Variants in RRM2 observed in about 807,000 individuals in gnomAD.
The protein encoded by RRM2 is ribonucleotide reductase regulatory subunit M2.
RRM2 carries 6 observed loss-of-function variants against 45.9 expected under a neutral mutation model. That is an observed-to-expected ratio of 0.13 (90% CI 0.07 to 0.26). The LOEUF (loss-of-function observed/expected upper bound fraction) is 0.26, where lower values mean the gene tolerates loss of function less well. RRM2 is among the 10% of genes least tolerant of loss of function. The pLI is 1.00. For synonymous variants in RRM2, 177 were observed against 173.0 expected (o/e 1.02, Z -0.18); for missense variants, 343 against 489.5 (o/e 0.70, Z 2.82).
In RRM2 at chr2:10,129,088, C is replaced by T. The variant is rs1399413963; in HGVS notation, c.951C>T (p.Cys317=). The part of the protein sequence containing the change: ...ALPVKLIGMN[C]TLMKQYIEFV... Reference sequence around the variant, plus strand: ...CTGTGAAGCTCATTGGGATGAATTGCACTCTAATGAAGCAATACATTGAGT... The same window carrying T: ...CTGTGAAGCTCATTGGGATGAATTGTACTCTAATGAAGCAATACATTGAGT... The change falls in exon 9 of 10, where the codon TGC becomes TGT. Residue 317 remains cysteine (C), a synonymous_variant. Coordinates refer to ENST00000304567, the MANE Select transcript of RRM2 (RefSeq NM_001034.4). The surrounding 1 kb of genome is among the most constrained non-coding windows in gnomAD (Gnocchi z 4.8). The T allele has an allele frequency of 1.1e-5, 17 of 1,614,200 alleles. No homozygotes were observed. The highest frequency in any genetic ancestry group is 8.3e-5 in the Admixed American group (5 of 60,028).
chr2:10,189,411 G>A (rs1199990985), intron 3 of RRM2, among the ~76,000 whole-genome samples: 1 of 152,240 alleles, frequency 6.6e-6, no homozygotes, highest in Non-Finnish European at 1.5e-5. Context: ...CCAAAGTGAC[G>A]AGGCCACACA....
At chr2:10,158,370 G>A (rs1282753780) in intron 3 of RRM2, among the ~76,000 whole-genome samples, 1 of 152,096 alleles carries the variant, frequency 6.6e-6, no homozygotes, top group Admixed American at 6.6e-5. Context: ...GCCTGGCCAG[G>A]ATTTGAACCT....
In RRM2 at chr2:10,185,684, A is replaced by AT. The variant is rs1664149989; in HGVS notation, n.483-24621dup. ...GGATGAGAAATTCTTACAAATGTATATTTTTTGTGCCCCTGTGTCTCCCCT... is the reference window on the plus strand; with the variant it reads ...GGATGAGAAATTCTTACAAATGTATATTTTTTTGTGCCCCTGTGTCTCCCCT... On this transcript the variant is annotated intron_variant and non_coding_transcript_variant, in intron 3 of 3. Coordinates refer to the RRM2 transcript ENST00000381786. The surrounding 1 kb of genome is among the most constrained non-coding windows in gnomAD (Gnocchi z 4.3). Among the ~76,000 whole-genome samples, 1 of 152,166 alleles carries AT rather than the reference A, an allele frequency of 6.6e-6. No individual in the cohort carries two copies. The highest frequency in any genetic ancestry group is 1.5e-5 in the Non-Finnish European group (1 of 68,030).
chr2:10,123,632 C>T (rs1422996459), intron 3 of RRM2, 102 bp downstream of exon 3: 1 of 1,466,184 alleles, frequency 6.8e-7, no homozygotes, highest in East Asian at 2.3e-5. Context: ...AACTGTGGGG[C>T]ATAGTAAGTG....
chr2:10,133,895 TGGGCC>T (rs1662945350), downstream of RRM2, among the ~76,000 whole-genome samples: 1 of 151,860 alleles, frequency 6.6e-6, no homozygotes, highest in Non-Finnish European at 1.5e-5. Context: ...GTTAAATAGG[TGGGCC>T]GGGCATGGTG....
chr2:10,161,719 C>T (rs1254666214), intron 3 of RRM2, among the ~76,000 whole-genome samples: 2 of 152,026 alleles, frequency 1.3e-5, no homozygotes, highest in Non-Finnish European at 2.9e-5. Context: ...TGCTTTAACT[C>T]GAGGGAAATG....
At chr2:10,179,154 TTTTG>T (rs999974049) in intron 3 of RRM2, among the ~76,000 whole-genome samples, 2 of 152,162 alleles carry the variant, frequency 1.3e-5, no homozygotes, top group African/African-American at 4.8e-5. Flanking sequence ...TTCATCCTTT[TTTTG>T]TTTGTTTGTT....
chr2:10,142,087 G>A, intron 2 of RRM2: 4 of 1,590,346 alleles, frequency 2.5e-6, no homozygotes, highest in South Asian at 1.1e-5. Context: ...GTTAGGGGAG[G>A]AAAGCATGTT....
At chr2:10,179,054 G>T (rs773677759) in intron 3 of RRM2, among the ~76,000 whole-genome samples, 3 of 101,972 alleles carry the variant, frequency 2.9e-5, no homozygotes, top group Non-Finnish European at 4.0e-5. Context: ...ATAGCAGCTG[G>T]AACAGACTAA....
chr2:10,140,550 G>GTGCC (rs1663061992), upstream of RRM2, among the ~76,000 whole-genome samples: 1 of 152,208 alleles, frequency 6.6e-6, no homozygotes, highest in South Asian at 2.1e-4. Flanking sequence ...AGCCAGCAGG[G>GTGCC]TGCCTGCTCA....
At chr2:10,199,175 C>T (rs774439578) in intron 3 of RRM2, 1 of 149,872 alleles carries the variant, frequency 6.7e-6, no homozygotes, top group Non-Finnish European at 1.5e-5. Flanking sequence ...CTGGGTAGCA[C>T]ACTCTGCCTC....
chr2:10,132,396 G>A (rs1050672401), downstream of RRM2, among the ~76,000 whole-genome samples: 32 of 152,266 alleles, frequency 2.1e-4, no homozygotes, highest in African/African-American at 7.2e-4. Context: ...GAGTGATTGG[G>A]AGAGGTCTCA....
At position 10,130,605 on chromosome 2, in the gene RRM2, AAT is replaced by A. The variant is rs1662877906; in HGVS notation, c.*1222_*1223del. Reference sequence around the variant, plus strand: ...GAGCTGTTAATACAGTTTCCATTCAAATATTAATTTCAGAATGAAACATAATT... The same window carrying A: ...GAGCTGTTAATACAGTTTCCATTCAAATTAATTTCAGAATGAAACATAATT... On this transcript the variant is annotated 3_prime_UTR_variant, in exon 10 of 10. Coordinates refer to ENST00000304567, the MANE Select transcript of RRM2 (RefSeq NM_001034.4). 1 of 151,910 alleles carries A rather than the reference AAT, an allele frequency of 6.6e-6. No individual in the cohort carries two copies. Among genetic ancestry groups the A allele is most frequent in the Non-Finnish European group, 1.5e-5 (1 of 68,018 alleles). The allele number at this position is 151,910 out of a possible 1,614,324, so 9.4% of individuals were successfully genotyped here.
At chr2:10,207,678 T>C (rs1345756182) in intron 3 of RRM2, among the ~76,000 whole-genome samples, 2 of 152,188 alleles carry the variant, frequency 1.3e-5, no homozygotes, top group Non-Finnish European at 2.9e-5. Context: ...ACTCATCGTT[T>C]AGTGCATTTG....
At chr2:10,144,005 C>T (rs532402814) in intron 3 of RRM2, among the ~76,000 whole-genome samples, 5 of 152,370 alleles carry the variant, frequency 3.3e-5, no homozygotes, top group Non-Finnish European at 7.3e-5. Flanking sequence ...CTCCCGTCTC[C>T]ACCAAGGCTG....
chr2:10,183,115 G>C lies in RRM2; in HGVS notation n.483-27196G>C, dbSNP rs145964681. Reference sequence around the variant, plus strand: ...GAGCCCTGGAATTCGAGACTGCAGCGAACTATGATGGCACCACTGCACTCC... The same window carrying C: ...GAGCCCTGGAATTCGAGACTGCAGCCAACTATGATGGCACCACTGCACTCC... On this transcript the variant is annotated intron_variant and non_coding_transcript_variant, in intron 3 of 3. Transcript: ENST00000381786. 2.1e-4 allele frequency among the ~76,000 whole-genome samples: 32 copies of C among 152,310 alleles called. No individual in the cohort carries two copies. The East Asian group carries it at 6.2e-3, about 29-fold the overall frequency.
At chr2:10,149,971 C>T (rs1663272032) in intron 3 of RRM2, among the ~76,000 whole-genome samples, 1 of 152,206 alleles carries the variant, frequency 6.6e-6, no homozygotes. Context: ...CCTGGGCAAC[C>T]CTCTGACTCG....
Position 10,171,165 on chromosome 2 carries a change from G to C in RRM2, n.482+28790G>C, listed in dbSNP as rs186341576. ...GGCATCGAGCCTGCGATGGGGCAAC[G>C]TGTGGTGTGGAGGCCATACCCCTCC... is the stretch of plus-strand genomic sequence containing the variant. On this transcript the variant is annotated intron_variant and non_coding_transcript_variant, in intron 3 of 3. Coordinates refer to the RRM2 transcript ENST00000381786. This position sits in a 1 kb window ranked among gnomAD's most constrained non-coding sequence, Gnocchi z 4.1. 1.2e-4 allele frequency among the ~76,000 whole-genome samples: 18 copies of C among 152,246 alleles called. No individual in the cohort carries two copies. Among genetic ancestry groups the C allele is most frequent in the Non-Finnish European group, 2.5e-4 (17 of 68,036 alleles).
chr2:10,162,124 A>G (rs1253100331), intron 3 of RRM2, among the ~76,000 whole-genome samples: 1 of 151,680 alleles, frequency 6.6e-6, no homozygotes, highest in African/African-American at 2.4e-5. Flanking sequence ...GTGCCCTGTC[A>G]ACAGTGATAC....
Sources: allele counts gnomAD v4.1 joint callset (sites outside exome capture counted in the v4.1 genomes callset), GRCh38; gene constraint gnomAD v4.1.1; non-coding constraint Gnocchi (gnomAD v3.1); transcripts MANE v1.5; gene names NCBI Gene and HGNC (gene_info 2026-07-23, HGNC 2026-07-21).